Variants in RANBP17 observed in about 807,000 individuals in gnomAD.
RANBP17 encodes the protein ran-binding protein 17.
Under a neutral mutation model 141.2 loss-of-function variants are expected in RANBP17, and 158 were observed. That is an observed-to-expected ratio of 1.12 (90% CI 0.98 to 1.28). RANBP17 has a LOEUF of 1.28. RANBP17 is among the 50% of genes most tolerant of loss of function. RANBP17 has a pLI of 0.00. For missense variants in RANBP17, 1,438 were observed against 1,290.7 expected (o/e 1.11, Z -1.75); for synonymous variants, 430 against 450.0 (o/e 0.96, Z 0.56).
At chr5:171,132,139 T>A (rs1205525934) in intron 14 of RANBP17, among the ~76,000 whole-genome samples, 1 of 152,124 alleles carries the variant, frequency 6.6e-6, no homozygotes, top group African/African-American at 2.4e-5. Flanking sequence ...AATAAACATG[T>A]AAGTTACAAC....
chr5:171,227,012 C>T (rs77556375), intron 22 of RANBP17, among the ~76,000 whole-genome samples: 7,359 of 152,244 alleles, frequency 0.048, 300 homozygotes, highest in Admixed American at 0.12. Context: ...GGCCATTCCC[C>T]ATCTCTTCCC....
chr5:171,144,527 G>C (rs1757912956), intron 14 of RANBP17, among the ~76,000 whole-genome samples: 1 of 152,178 alleles, frequency 6.6e-6, no homozygotes, highest in Non-Finnish European at 1.5e-5. Context: ...ACAAACTGCA[G>C]GTTGCCCTTC....
intron 14 of RANBP17, among the ~76,000 whole-genome samples, chr5:171,014,825 A>C (rs563077604): frequency 1.4e-4 from 21 of 152,062 alleles, no homozygotes; most frequent in African/African-American, 4.8e-4. Flanking sequence ...TTCTTGTAAA[A>C]TTTCATGTAT....
Position 170,955,619 on chromosome 5 carries a change from A to G in RANBP17, c.1574+1917A>G, listed in dbSNP as rs1172936397. Among the ~76,000 whole-genome samples, 131 of 14,336 alleles carry G rather than the reference A, an allele frequency of 9.1e-3. 6 individuals are homozygous for G. The highest frequency in any genetic ancestry group is 0.018 in the African/African-American group (102 of 5,532). 9.4% of individuals were successfully genotyped at this position (14,336 alleles called of 152,430 possible). A position where few individuals can be genotyped will look rare whatever the true frequency, so the allele number is the denominator to read the frequency against. ...ATATATATATATATATGCTCAGTGT[A>G]TATATATATATATATATATATGCTC... On this transcript the variant is annotated intron_variant, in intron 13 of 27. Coordinates refer to ENST00000523189, the MANE Select transcript of RANBP17 (RefSeq NM_022897.5).
intron 24 of RANBP17, among the ~76,000 whole-genome samples, chr5:171,257,095 C>T (rs1765947923): frequency 6.6e-6 from 1 of 152,106 alleles, no homozygotes; most frequent in Non-Finnish European, 1.5e-5. Context: ...CACCCTGGTA[C>T]CAATATCAGA....
chr5:170,968,487 TAATG>T, intron 14 of RANBP17, 110 bp downstream of exon 14: 4 of 979,294 alleles, frequency 4.1e-6, no homozygotes, highest in Non-Finnish European at 6.4e-6. Flanking sequence ...TGTAATTGAT[TAATG>T]AATTGATGAA....
chr5:171,264,410 A>C (rs1277923093), intron 24 of RANBP17, among the ~76,000 whole-genome samples: 2 of 152,140 alleles, frequency 1.3e-5, no homozygotes, highest in Non-Finnish European at 2.9e-5. Context: ...AAATACAATA[A>C]AATTTTCAAA....
At chr5:170,913,907 A>G (rs1771734980) in intron 7 of RANBP17, among the ~76,000 whole-genome samples, 1 of 152,112 alleles carries the variant, frequency 6.6e-6, no homozygotes, top group African/African-American at 2.4e-5. Flanking sequence ...ATACAAATGA[A>G]AATAGTAAGA....
At chr5:171,178,986 G>C (rs1448595599) in intron 16 of RANBP17, among the ~76,000 whole-genome samples, 1 of 152,160 alleles carries the variant, frequency 6.6e-6, no homozygotes, top group Non-Finnish European at 1.5e-5. Context: ...TGTTCACTCT[G>C]ATGATAGTTT....
rs548367149 is a variant in RANBP17, at chr5:171,142,374, A to C, written c.1711-27756A>C. Reference sequence around the variant, plus strand: ...ACAACTATACAGCTCTAGATCCCTAACTGGATGTTCAGTAAATAAATGCTC... The same window carrying C: ...ACAACTATACAGCTCTAGATCCCTACCTGGATGTTCAGTAAATAAATGCTC... On this transcript the variant is annotated intron_variant, in intron 14 of 27. Coordinates refer to ENST00000523189, the MANE Select transcript of RANBP17 (RefSeq NM_022897.5). Among the ~76,000 whole-genome samples, 6 of 152,306 alleles carry C rather than the reference A, an allele frequency of 3.9e-5. No individual in the cohort carries two copies. The East Asian group carries it at 7.7e-4, about 20-fold the overall frequency.
intron 24 of RANBP17, among the ~76,000 whole-genome samples, chr5:171,255,137 T>C (rs1765805367): frequency 6.6e-6 from 1 of 152,150 alleles, no homozygotes; most frequent in Non-Finnish European, 1.5e-5. Context: ...TTGTACAAAT[T>C]ATATATAGCC....
intron 14 of RANBP17, among the ~76,000 whole-genome samples, chr5:171,136,410 T>TTTTTCTTTTC (rs919912067): frequency 1.3e-5 from 2 of 152,062 alleles, no homozygotes; most frequent in Non-Finnish European, 2.9e-5. Context: ...CTCACCTTTT[T>TTTTTCTTTTC]TTTTCTTTTC....
Position 171,252,397 on chromosome 5 carries a change from G to A in RANBP17, c.2776+9577G>A. ...TACTTGTGAAACTATGAGCAGCAAA[G>A]ATGAAGATTTTTTAGACCTGTCTGT... On this transcript the variant is annotated intron_variant, in intron 24 of 27. Coordinates refer to ENST00000523189, the MANE Select transcript of RANBP17 (RefSeq NM_022897.5). The A allele has an allele frequency of 2.0e-6, 3 of 1,533,474 alleles. No homozygotes were observed. The South Asian group carries it at 3.4e-5, about 17-fold the overall frequency. 95.0% of individuals were successfully genotyped at this position (1,533,474 alleles called of 1,614,324 possible). A position where few individuals can be genotyped will look rare whatever the true frequency, so the allele number is the denominator to read the frequency against.
At chr5:170,890,668 C>T (rs990692128) in intron 3 of RANBP17, among the ~76,000 whole-genome samples, 3 of 152,076 alleles carry the variant, frequency 2.0e-5, no homozygotes, top group African/African-American at 7.2e-5. Flanking sequence ...AGTTTTTTCT[C>T]TTTTAAAAAT....
chr5:171,196,754 T>G lies in RANBP17; in HGVS notation c.2039-2916T>G, dbSNP rs568536021. On this transcript the variant is annotated intron_variant, in intron 18 of 27. Transcript: ENST00000523189. ...GTGAGCACACTAAGGCTTTGATGAC[T>G]AAAGTGACTTTATCCAAAACCAGAC... Among the ~76,000 whole-genome samples, 3 of 152,316 alleles carry G rather than the reference T, an allele frequency of 2.0e-5. No individual in the cohort carries two copies. In the South Asian group the frequency reaches 6.2e-4, roughly 32 times the overall value.
intron 14 of RANBP17, among the ~76,000 whole-genome samples, chr5:170,970,301 T>G (rs368965223): frequency 7.2e-5 from 11 of 152,074 alleles, no homozygotes; most frequent in African/African-American, 2.6e-4. Context: ...AAATGAATGT[T>G]TAACAATTAA....
intron 14 of RANBP17, among the ~76,000 whole-genome samples, chr5:171,008,670 A>T (rs1779824508): frequency 6.6e-6 from 1 of 152,226 alleles, no homozygotes; most frequent in Admixed American, 6.5e-5. Context: ...GGTGGGGAAG[A>T]TTACAAAGTA....
chr5:170,911,186 A>G, intron 7 of RANBP17, 52 bp downstream of exon 7: 2 of 1,510,468 alleles, frequency 1.3e-6, no homozygotes, highest in Admixed American at 1.7e-5. Flanking sequence ...CACAGTATTA[A>G]GCAATATAGT....
chr5:171,041,927 C>T (rs1416809518), intron 14 of RANBP17, among the ~76,000 whole-genome samples: 3 of 151,830 alleles, frequency 2.0e-5, no homozygotes, highest in Non-Finnish European at 4.4e-5. Flanking sequence ...TGGTATGCAT[C>T]GTTCTCCTCC....
Sources: gnomAD v4.1 joint callset for allele counts (sites outside exome capture counted in the v4.1 genomes callset) on GRCh38, gnomAD v4.1.1 for gene constraint, MANE v1.5 for transcripts, NCBI Gene and HGNC (gene_info 2026-07-23, HGNC 2026-07-21) for gene names.